Variants in PIBF1 observed in about 807,000 individuals in gnomAD.
PIBF1 encodes the protein progesterone immunomodulatory binding factor 1, also known as progesterone-induced-blocking factor 1.
A neutral mutation model predicts 112.5 loss-of-function variants in PIBF1; 90 were observed. That is an observed-to-expected ratio of 0.80 (90% CI 0.67 to 0.95). The LOEUF is 0.95. Ranked by LOEUF, PIBF1 falls within the 40% of genes least tolerant of loss-of-function variation. The pLI is 0.00. For missense variants in PIBF1, 915 were observed against 852.3 expected, an observed-to-expected ratio of 1.07 and a Z score of -0.92; for synonymous variants, 301 against 288.6, an observed-to-expected ratio of 1.04 and a Z score of -0.44.
rs906500602 is a variant in PIBF1, at chr13:73,014,932, G to A, written c.2224-937G>A. ...CCCGAGTAGCTTGGATTACAGGTGT[G>A]CACTACCATGCCTGGCTAATTTTTT... On this transcript the variant is annotated intron_variant, in intron 17 of 17. Coordinates refer to ENST00000326291, the MANE Select transcript of PIBF1 (RefSeq NM_006346.4). Among the ~76,000 whole-genome samples the A allele has an allele frequency of 2.6e-5, 4 of 152,218 alleles. No homozygotes were observed. The South Asian group carries it at 6.2e-4, about 24-fold the overall frequency.
chr13:72,839,025 G>A lies in PIBF1; in HGVS notation c.1223+3657G>A, dbSNP rs78441224. The stretch of plus-strand genomic sequence containing the variant: ...CCAAAGAATGCATTTGGACCATTAT[G>A]TAAGACCTGTGGGGAACAATTGAAA... On this transcript the variant is annotated intron_variant, in intron 9 of 17. Transcript: ENST00000326291. Among the ~76,000 whole-genome samples, 81 of 152,310 alleles carry A rather than the reference G, an allele frequency of 5.3e-4. 1 individual carries two copies. In the East Asian group the frequency reaches 0.014, roughly 27 times the overall value.
chr13:72,922,866 T>C (rs1161102090), intron 13 of PIBF1, among the ~76,000 whole-genome samples: 1 of 152,186 alleles, frequency 6.6e-6, no homozygotes, highest in Non-Finnish European at 1.5e-5. Context: ...AGTGTAAGCC[T>C]ATAGAAGAAA....
In PIBF1 at chr13:72,924,287, C is replaced by T. The variant is rs114399326; in HGVS notation, c.1731-6878C>T. 6.4e-3 allele frequency among the ~76,000 whole-genome samples: 976 copies of T among 152,232 alleles called. 13 individuals carry two copies. The highest frequency in any genetic ancestry group is 0.022 in the African/African-American group (906 of 41,540). On this transcript the variant is annotated intron_variant, in intron 13 of 17. Transcript: ENST00000326291. ...TGCTAGTTCAATGCTTAATACTGAG[C>T]ATTAGTTGTACTTTATTTTTTTTCT...
intron 10 of PIBF1, among the ~76,000 whole-genome samples, chr13:72,867,053 T>A (rs1332178909): frequency 1.3e-5 from 2 of 152,210 alleles, no homozygotes; most frequent in African/African-American, 4.8e-5. Flanking sequence ...TGGGTCTGTG[T>A]CCCCACCCAA....
chr13:72,887,376 T>A (rs920343531), intron 10 of PIBF1, among the ~76,000 whole-genome samples: 2 of 151,920 alleles, frequency 1.3e-5, no homozygotes, highest in African/African-American at 2.4e-5. Context: ...ACTTGTATAC[T>A]TTTTGTTTTC....
At chr13:72,800,580 A>G (rs1252393745) in intron 5 of PIBF1, among the ~76,000 whole-genome samples, 1 of 152,206 alleles carries the variant, frequency 6.6e-6, no homozygotes, top group African/African-American at 2.4e-5. Flanking sequence ...TGTAACACCT[A>G]CCACACGTGG....
At chr13:72,917,404 ACCTTGTTTTTATTTTCACATTAATTTCAG>A (rs2041141835) in intron 13 of PIBF1, among the ~76,000 whole-genome samples, 1 of 152,054 alleles carries the variant, frequency 6.6e-6, no homozygotes, top group Non-Finnish European at 1.5e-5. Flanking sequence ...GATGATAAGG[ACCTTGTTTTTATTTTCACATTAATTTCAG>A]ATGAGCTACA....
intron 15 of PIBF1, chr13:72,970,774 A>G (rs527383764): frequency 6.6e-6 from 1 of 152,308 alleles, no homozygotes; most frequent in African/African-American, 2.4e-5. Flanking sequence ...AATACATACT[A>G]GAAGAAGAGT....
intron 5 of PIBF1, among the ~76,000 whole-genome samples, chr13:72,815,278 T>C (rs1206121184): frequency 1.3e-5 from 2 of 152,234 alleles, no homozygotes; most frequent in African/African-American, 4.8e-5. Flanking sequence ...GAATAATCCA[T>C]TGCATCAGCA....
intron 9 of PIBF1, among the ~76,000 whole-genome samples, chr13:72,838,738 ATTAAG>A (rs1355362383): frequency 3.9e-5 from 6 of 152,200 alleles, no homozygotes. Context: ...TTGTCTGCCT[ATTAAG>A]TTAGGTTGCA....
chr13:72,904,433 CTTTTTTTT>C (rs71099767), intron 11 of PIBF1, among the ~76,000 whole-genome samples: 490 of 36,582 alleles, frequency 0.013, 14 homozygotes, highest in African/African-American at 0.05. Context: ...CAAAATATTT[CTTTTTTTT>C]TTTTTTTTTT....
chr13:72,986,715 G>T (rs990434891), intron 16 of PIBF1, among the ~76,000 whole-genome samples: 2 of 122,024 alleles, frequency 1.6e-5, no homozygotes, highest in Non-Finnish European at 3.2e-5. Flanking sequence ...ACAGAGTCTC[G>T]CTCTGTCGCC....
intron 14 of PIBF1, among the ~76,000 whole-genome samples, chr13:72,959,900 A>G (rs913680994): frequency 6.6e-6 from 1 of 152,206 alleles, no homozygotes; most frequent in Non-Finnish European, 1.5e-5. Context: ...TATAAGAAAA[A>G]GATTACTAAC....
At chr13:72,861,258 C>A (rs1314980245) in intron 10 of PIBF1, among the ~76,000 whole-genome samples, 1 of 151,848 alleles carries the variant, frequency 6.6e-6, no homozygotes, top group Admixed American at 6.6e-5. Context: ...CATAGTGAAA[C>A]CTCATCTCTA....
At chr13:72,925,542 CTTTTTTTTTTTT>C (rs59074858) in intron 13 of PIBF1, among the ~76,000 whole-genome samples, 1 of 102,032 alleles carries the variant, frequency 9.8e-6, no homozygotes, top group Non-Finnish European at 1.9e-5. Context: ...CTTTCTCTCT[CTTTTTTTTTTTT>C]TTTTTTTTTG....
chr13:72,819,182 G>T (rs1224860572), intron 5 of PIBF1, among the ~76,000 whole-genome samples: 1 of 152,030 alleles, frequency 6.6e-6, no homozygotes, highest in Admixed American at 6.6e-5. Flanking sequence ...GAAGCCGTAG[G>T]GTAAGATTAG....
intron 10 of PIBF1, among the ~76,000 whole-genome samples, chr13:72,857,564 C>T (rs2038479883): frequency 6.6e-6 from 1 of 152,176 alleles, no homozygotes; most frequent in South Asian, 2.1e-4. Flanking sequence ...TTCAGCTGGA[C>T]ATGGTGGCTC....
At chr13:72,792,718 A>C (rs1185581325) in intron 3 of PIBF1, among the ~76,000 whole-genome samples, 171 bp downstream of exon 3, 2 of 152,248 alleles carry the variant, frequency 1.3e-5, no homozygotes, top group Admixed American at 6.5e-5. Flanking sequence ...GATATGGTAC[A>C]TAAAATACAG....
chr13:72,870,658 TAAG>T (rs2039122747), intron 10 of PIBF1, among the ~76,000 whole-genome samples: 1 of 152,230 alleles, frequency 6.6e-6, no homozygotes, highest in East Asian at 1.9e-4. Flanking sequence ...TTATATATGT[TAAG>T]AAGTCTGTTG....
Sources: gnomAD v4.1 joint callset for allele counts (sites outside exome capture counted in the v4.1 genomes callset) on GRCh38, gnomAD v4.1.1 for gene constraint, MANE v1.5 for transcripts, NCBI Gene and HGNC (gene_info 2026-07-23, HGNC 2026-07-21) for gene names.